The following ANKRD18B variants were observed in gnomAD, a reference collection of about 807,000 sequenced individuals.
ANKRD18B encodes the protein ankyrin repeat domain-containing protein 18B.
In ANKRD18B, 75 loss-of-function variants were observed where a neutral mutation model predicts 111.8. The observed-to-expected ratio is 0.67, with a 90% CI of 0.56 to 0.81. ANKRD18B has a LOEUF of 0.81. ANKRD18B is among the 40% of genes least tolerant of loss of function. The pLI is 0.00. For missense variants in ANKRD18B, 1,038 were observed against 1,225.5 expected (o/e 0.85, Z 2.28); for synonymous variants, 356 against 417.3 (o/e 0.85, Z 1.79).
downstream of ANKRD18B, among the ~76,000 whole-genome samples, chr9:33,575,372 C>A (rs537535734): frequency 6.6e-6 from 1 of 152,354 alleles, no homozygotes; most frequent in Admixed American, 6.5e-5. Flanking sequence ...ATGCAGCCAG[C>A]TGCCCTGCAG....
At chr9:33,532,100 G>A (rs1351833084) in intron 3 of ANKRD18B, among the ~76,000 whole-genome samples, 2 of 152,076 alleles carry the variant, frequency 1.3e-5, no homozygotes, top group African/African-American at 2.4e-5. Context: ...CAGGTGTGGT[G>A]GCAGGTGCCT....
At chr9:33,560,196 A>G (rs907559661) in intron 14 of ANKRD18B, among the ~76,000 whole-genome samples, 8 of 152,222 alleles carry the variant, frequency 5.3e-5, no homozygotes, top group African/African-American at 1.9e-4. Context: ...GACCCATTGA[A>G]GGGTGAGAAG....
chr9:33,542,246 C>G (rs1338065532), intron 9 of ANKRD18B, among the ~76,000 whole-genome samples: 1 of 149,634 alleles, frequency 6.7e-6, no homozygotes, highest in Admixed American at 6.7e-5. Flanking sequence ...ATGTGCAGCT[C>G]AGATGGTGAA....
chr9:33,528,830 C>G lies in ANKRD18B; in HGVS notation c.310C>G (p.Pro104Ala). ...INICDRLNRT[P>A]LMKAVHCQEE... ...CATCTGTGACAGACTAAACAGGACA[C>G]CTTTAATGAAGGTATATAGTAGCCA... is the stretch of plus-strand genomic sequence containing the variant. Residue 104 changes from proline to alanine, a missense_variant, in exon 2 of 19, where the codon CCT becomes GCT. Physicochemically the swap from Pro to Ala is conservative, Grantham distance 27. Coordinates refer to ENST00000684830, the MANE Select transcript of ANKRD18B (RefSeq NM_001393611.1). The G allele has an allele frequency of 6.2e-7, 1 of 1,607,314 alleles. No homozygotes were observed. The highest frequency in any genetic ancestry group is 8.5e-7 in the Non-Finnish European group (1 of 1,176,550).
At chr9:33,524,780 C>G (rs1488538240) in intron 1 of ANKRD18B, 85 bp downstream of exon 1, 6 of 1,455,304 alleles carry the variant, frequency 4.1e-6, no homozygotes, top group Admixed American at 2.5e-5. Context: ...CGGAGTTCGC[C>G]GGGACCCTGG....
intron 12 of ANKRD18B, among the ~76,000 whole-genome samples, chr9:33,555,349 T>C (rs897663387): frequency 6.6e-6 from 1 of 152,188 alleles, no homozygotes; most frequent in Non-Finnish European, 1.5e-5. Flanking sequence ...TAACTTGGAA[T>C]ATCTTAAACT....
intron 12 of ANKRD18B, among the ~76,000 whole-genome samples, chr9:33,551,781 A>C (rs1352150981): frequency 1.3e-5 from 2 of 152,136 alleles, no homozygotes; most frequent in African/African-American, 4.8e-5. Flanking sequence ...CCTCAGAGTT[A>C]ATTGGGCAGA....
chr9:33,541,260 T>C (rs376078032), intron 9 of ANKRD18B, 33 bp downstream of exon 9: 13 of 1,527,104 alleles, frequency 8.5e-6, no homozygotes, highest in East Asian at 4.9e-5. Context: ...CTCTTAACCA[T>C]GTAAAGAGAC....
intron 14 of ANKRD18B, among the ~76,000 whole-genome samples, chr9:33,563,388 C>T (rs531109621): frequency 3.3e-5 from 5 of 152,290 alleles, no homozygotes; most frequent in Admixed American, 3.3e-4. Flanking sequence ...TTTGCTCTCC[C>T]ATGTGTTTGA....
intron 6 of ANKRD18B, among the ~76,000 whole-genome samples, chr9:33,537,467 A>AAATC (rs1175072665): frequency 6.6e-6 from 1 of 152,192 alleles, no homozygotes; most frequent in Non-Finnish European, 1.5e-5. Context: ...GAAAAAATTC[A>AAATC]TTTACCTACT....
chr9:33,575,219 C>T (rs958291194), downstream of ANKRD18B, among the ~76,000 whole-genome samples: 1 of 152,224 alleles, frequency 6.6e-6, no homozygotes, highest in African/African-American at 2.4e-5. Flanking sequence ...CCAGGACAAC[C>T]CCATCATGGC....
In ANKRD18B at chr9:33,554,733, A is replaced by G. The variant is rs565459421; in HGVS notation, c.2218-975A>G. On this transcript the variant is annotated intron_variant, in intron 12 of 18. Transcript: ENST00000684830. ...TGTACACAGGAGGATATCTTTATCG[A>G]GTGTACTCAGACCCAGCGGACTCAA... Among the ~76,000 whole-genome samples, 24 of 152,282 alleles carry G rather than the reference A, an allele frequency of 1.6e-4. No homozygotes were observed. In the South Asian group the frequency reaches 4.8e-3, roughly 30 times the overall value.
At chr9:33,533,008 C>T (rs1397807593) in intron 3 of ANKRD18B, among the ~76,000 whole-genome samples, 1 of 152,154 alleles carries the variant, frequency 6.6e-6, no homozygotes, top group Non-Finnish European at 1.5e-5. Flanking sequence ...TTAAGAAACA[C>T]TTCTCTAGAG....
At chr9:33,568,110 G>C (rs1343884027) in intron 16 of ANKRD18B, among the ~76,000 whole-genome samples, 2 of 152,196 alleles carry the variant, frequency 1.3e-5, no homozygotes, top group South Asian at 4.1e-4. Context: ...AAATACTTAA[G>C]TGTTCTTAGA....
chr9:33,560,922 G>A (rs140985115), intron 14 of ANKRD18B, among the ~76,000 whole-genome samples: 8,702 of 152,242 alleles, frequency 0.057, 289 homozygotes, highest in South Asian at 0.099. Context: ...CTGAGATCAT[G>A]CCACTGCACT....
At chr9:33,531,658 TA>T (rs1446826570) in intron 3 of ANKRD18B, among the ~76,000 whole-genome samples, 2 of 150,342 alleles carry the variant, frequency 1.3e-5, no homozygotes, top group African/African-American at 5.0e-5. Flanking sequence ...TATTTGAGTT[TA>T]CAACTCCTTT....
At chr9:33,529,215 T>C in intron 3 of ANKRD18B, 42 bp downstream of exon 3, 1 of 1,557,292 alleles carries the variant, frequency 6.4e-7, no homozygotes, top group Non-Finnish European at 8.7e-7. Flanking sequence ...TTTGTTTTAA[T>C]ATTGACATAG....
At chr9:33,558,452 G>T (rs967484911) in intron 14 of ANKRD18B, among the ~76,000 whole-genome samples, 1 of 152,058 alleles carries the variant, frequency 6.6e-6, no homozygotes, top group Non-Finnish European at 1.5e-5. Flanking sequence ...TGCAGTGTTT[G>T]GTTTTTTGTT....
chr9:33,524,902 C>A (rs199754818), intron 1 of ANKRD18B, among the ~76,000 whole-genome samples: 1 of 149,268 alleles, frequency 6.7e-6, no homozygotes, highest in Non-Finnish European at 1.5e-5. Context: ...AGCATATCTA[C>A]GTTTAAAACA....
Sources: allele counts gnomAD v4.1 joint callset (sites outside exome capture counted in the v4.1 genomes callset), GRCh38; gene constraint gnomAD v4.1.1; transcripts MANE v1.5; gene names NCBI Gene and HGNC (gene_info 2026-07-23, HGNC 2026-07-21).